The following PKD1L1 variants were observed in gnomAD, a reference collection of about 807,000 sequenced individuals.
PKD1L1 encodes polycystin-1-like protein 1.
A neutral mutation model predicts 323.4 loss-of-function variants in PKD1L1; 236 were observed. The observed-to-expected ratio is 0.73, with a 90% CI of 0.66 to 0.81. The LOEUF (loss-of-function observed/expected upper bound fraction) is 0.81. Among genes scored for constraint, PKD1L1 ranks in the 40% least tolerant of loss-of-function variants. PKD1L1 has a pLI of 0.00. For missense variants in PKD1L1, 3,320 were observed against 3,508.0 expected, an observed-to-expected ratio of 0.95 and a Z score of 1.35; for synonymous variants, 1,344 against 1,335.0, an observed-to-expected ratio of 1.01 and a Z score of -0.15.
In PKD1L1 at chr7:47,792,767, A is replaced by G. The variant is rs1786981501; in HGVS notation, c.8386T>C (p.Leu2796=). 1 of 1,613,818 alleles carries G rather than the reference A, an allele frequency of 6.2e-7. No individual in the cohort carries two copies. The highest frequency in any genetic ancestry group is 8.5e-7 in the Non-Finnish European group (1 of 1,179,876). ...TTAATCTTCATCAGAAGTTCGTCTA[A>G]CAGATTTGCAAATTCATCCAAGTAG... ...NYYLDEFANL[L]DELLMKINGL... Residue 2796 remains leucine, a synonymous_variant, in exon 56 of 57, where the codon TTA becomes CTA. Transcript: ENST00000289672.
chr7:47,818,249 C>A, intron 46 of PKD1L1: 1 of 1,275,220 alleles, frequency 7.8e-7, no homozygotes, highest in Admixed American at 2.4e-5. Context: ...AAGAATGAGC[C>A]AGGGGGCACA....
chr7:47,864,060 G>T (rs1171023922), intron 26 of PKD1L1, among the ~76,000 whole-genome samples: 1 of 152,086 alleles, frequency 6.6e-6, no homozygotes, highest in Non-Finnish European at 1.5e-5. Context: ...AGAAGTGGAA[G>T]CAGCAGCAAA....
At chr7:47,945,416 A>G (rs1418887630) in intron 1 of PKD1L1, among the ~76,000 whole-genome samples, 1 of 152,156 alleles carries the variant, frequency 6.6e-6, no homozygotes, top group South Asian at 2.1e-4. Flanking sequence ...GACGAGGACA[A>G]TATTTATAGT....
chr7:47,946,918 C>T lies in PKD1L1; in HGVS notation c.44+1479G>A, dbSNP rs750167905. ...TACAGGGGAAAAAACATCAAGTCAG[C>T]GACTTCCGCTCCTCAGCTTTTCTTT... On this transcript the variant is annotated intron_variant, in intron 1 of 56. Transcript: ENST00000289672. The surrounding 1 kb of genome is among the most constrained non-coding windows in gnomAD (Gnocchi z 4.1). Among the ~76,000 whole-genome samples the T allele has an allele frequency of 6.6e-6, 1 of 152,168 alleles. No homozygotes were observed. Among genetic ancestry groups the T allele is most frequent in the Non-Finnish European group, 1.5e-5 (1 of 68,032 alleles).
chr7:47,803,666 C>T (rs577013010), intron 52 of PKD1L1, among the ~76,000 whole-genome samples: 10 of 152,200 alleles, frequency 6.6e-5, no homozygotes, highest in African/African-American at 1.9e-4. Flanking sequence ...TCCCTGTCTG[C>T]GCCTCAGTCT....
the PKD1L1 span, among the ~76,000 whole-genome samples, chr7:47,954,292 G>T: frequency 6.6e-6 from 1 of 152,178 alleles, no homozygotes; most frequent in East Asian, 1.9e-4. Context: ...GTTTTGTTTG[G>T]TAAGGCTTAT....
Position 47,946,148 on chromosome 7 carries a change from G to T in PKD1L1, c.44+2249C>A, listed in dbSNP as rs992114740. Among the ~76,000 whole-genome samples the T allele has an allele frequency of 5.9e-5, 9 of 152,164 alleles. No homozygotes were observed. The highest frequency in any genetic ancestry group is 1.2e-4 in the Non-Finnish European group (8 of 68,034). On this transcript the variant is annotated intron_variant, in intron 1 of 56. Coordinates refer to ENST00000289672, the MANE Select transcript of PKD1L1 (RefSeq NM_138295.5). This position sits in a 1 kb window ranked among gnomAD's most constrained non-coding sequence, Gnocchi z 4.1. Reference sequence around the variant, plus strand: ...CACAGAGGTACCTGGCTTCCTCTTAGTTAACTGTGACTGTCGGGGAACAGG... The same window carrying T: ...CACAGAGGTACCTGGCTTCCTCTTATTTAACTGTGACTGTCGGGGAACAGG...
intron 55 of PKD1L1, among the ~76,000 whole-genome samples, chr7:47,793,525 A>T (rs2128723879): frequency 6.6e-6 from 1 of 152,290 alleles, no homozygotes; most frequent in East Asian, 1.9e-4. Context: ...ACCTCTCGCC[A>T]TGATTCTGAG....
chr7:47,857,715 C>G lies in PKD1L1; in HGVS notation c.4480G>C (p.Asp1494His). The change falls in exon 28 of 57, where the codon GAC becomes CAC. Residue 1494 changes from aspartate to histidine, a missense_variant. Coordinates refer to ENST00000289672, the MANE Select transcript of PKD1L1 (RefSeq NM_138295.5). Reference sequence around the variant, plus strand: ...CCAGCAGGACTGTGCCCAGCAAGGTCACCAGGTAAATGCACCTGGACAGAT... The same window carrying G: ...CCAGCAGGACTGTGCCCAGCAAGGTGACCAGGTAAATGCACCTGGACAGAT... ...LGSVQVHLPGDLAGHSPAGAE... is the reference protein window; with the variant it reads ...LGSVQVHLPGHLAGHSPAGAE... The G allele has an allele frequency of 6.2e-7, 1 of 1,614,030 alleles. No individual in the cohort carries two copies. Among genetic ancestry groups the G allele is most frequent in the Non-Finnish European group, 8.5e-7 (1 of 1,180,004 alleles).
intron 1 of PKD1L1, among the ~76,000 whole-genome samples, chr7:47,944,014 G>C (rs1401566269): frequency 2.0e-5 from 3 of 152,352 alleles, no homozygotes; most frequent in Admixed American, 2.0e-4. Context: ...CAGACACAGA[G>C]TAGGCACTGC....
At chr7:47,884,820 C>A (rs1248764066) in intron 18 of PKD1L1, among the ~76,000 whole-genome samples, 163 bp from the exon 19 acceptor site, 1 of 152,152 alleles carries the variant, frequency 6.6e-6, no homozygotes, top group Non-Finnish European at 1.5e-5. Flanking sequence ...TCTTCCCTCA[C>A]TCATGACAGC....
At chr7:47,902,038 A>G (rs565548508) in intron 13 of PKD1L1, among the ~76,000 whole-genome samples, 2 of 144,480 alleles carry the variant, frequency 1.4e-5, no homozygotes, top group African/African-American at 5.1e-5. Context: ...GGAAAGGAAA[A>G]GAAAAGAAAA....
At chr7:47,831,426 G>C in intron 41 of PKD1L1, 74 bp from the exon 42 acceptor site, 2 of 1,521,990 alleles carry the variant, frequency 1.3e-6, no homozygotes, top group Non-Finnish European at 1.8e-6. Flanking sequence ...GTGTGGTGGT[G>C]AATCTTAGGT....
In PKD1L1 at chr7:47,884,583, T is replaced by C. The variant is rs768762690; in HGVS notation, c.3265+15A>G. 2 of 1,612,262 alleles carry C rather than the reference T, an allele frequency of 1.2e-6. No individual in the cohort carries two copies. Among genetic ancestry groups the C allele is most frequent in the African/African-American group, 1.3e-5 (1 of 74,832 alleles). ...GCTGAGTGGAGAGAGGCAGCAGGCA[T>C]AGAAGCACAGTCACCTGGCTGTCTT... On this transcript the variant is annotated intron_variant, in intron 19 of 56. Coordinates refer to ENST00000289672, the MANE Select transcript of PKD1L1 (RefSeq NM_138295.5).
intron 21 of PKD1L1, 108 bp downstream of exon 21, chr7:47,880,620 C>A: frequency 1.3e-6 from 1 of 745,276 alleles, no homozygotes; most frequent in South Asian, 2.0e-5. Context: ...AACTGCTTAG[C>A]CTTTACGCTG....
intron 19 of PKD1L1, among the ~76,000 whole-genome samples, chr7:47,883,966 A>G (rs999306498): frequency 5.9e-5 from 9 of 152,198 alleles, no homozygotes; most frequent in Non-Finnish European, 8.8e-5. Context: ...CTGATCATCA[A>G]TTCATTCTAC....
rs768296764 is a variant in PKD1L1, at chr7:47,936,972, T to A, written c.286-14A>T. On this transcript the variant is annotated splice_polypyrimidine_tract_variant and intron_variant, in intron 3 of 56. Coordinates refer to ENST00000289672, the MANE Select transcript of PKD1L1 (RefSeq NM_138295.5). ...TTTCCAAATGTTCTGTAAGAAAAAA[T>A]AATAAAATAATGTGAGAGAGCTGCT... 6.4e-7 allele frequency: 1 copy of A among 1,573,174 alleles called. No homozygotes were observed. Among genetic ancestry groups the A allele is most frequent in the Non-Finnish European group, 8.7e-7 (1 of 1,150,664 alleles).
rs142195695 is a variant in PKD1L1 at position 47,883,782 on chromosome 7, G to A, written c.3265+816C>T. Among the ~76,000 whole-genome samples the A allele has an allele frequency of 8.0e-3, 1,222 of 152,244 alleles. 13 individuals carry two copies. The highest frequency in any genetic ancestry group is 0.027 in the African/African-American group (1,126 of 41,536). On this transcript the variant is annotated intron_variant, in intron 19 of 56. Coordinates refer to ENST00000289672, the MANE Select transcript of PKD1L1 (RefSeq NM_138295.5). The stretch of plus-strand genomic sequence containing the variant: ...TTCATTCATCATCCATTATTCCCTC[G>A]ATAGATAAATCATTCACTCATCAGC...
chr7:47,857,553 C>G lies in PKD1L1; in HGVS notation c.4590+52G>C, dbSNP rs374855955. 23 of 1,507,054 alleles carry G rather than the reference C, an allele frequency of 1.5e-5. No individual in the cohort carries two copies. In the African/African-American group the frequency reaches 2.6e-4, roughly 17 times the overall value. The allele number at this position is 1,507,054 out of a possible 1,614,324, so 93.4% of individuals were successfully genotyped here. A position where few individuals can be genotyped will look rare whatever the true frequency, so the allele number is the denominator to read the frequency against. Reference sequence around the variant, plus strand: ...TCTTTTTGTCATTTAAGCCCAATTACTGCAAATTTGAAATGGTCATTAGAA... The same window carrying G: ...TCTTTTTGTCATTTAAGCCCAATTAGTGCAAATTTGAAATGGTCATTAGAA... On this transcript the variant is annotated intron_variant, in intron 28 of 56. Transcript: ENST00000289672.
Sources: allele counts gnomAD v4.1 joint callset (sites outside exome capture counted in the v4.1 genomes callset), GRCh38; gene constraint gnomAD v4.1.1; non-coding constraint Gnocchi (gnomAD v3.1); transcripts MANE v1.5; gene names NCBI Gene and HGNC (gene_info 2026-07-23, HGNC 2026-07-21).